EDIL3: variants seen among roughly 807,000 people sequenced by gnomAD.
The protein encoded by EDIL3 is EGF-like repeat and discoidin I-like domain-containing protein 3.
Under a neutral mutation model 67.4 loss-of-function variants are expected in EDIL3, and 37 were observed. The ratio of observed to expected loss-of-function variants is 0.55; its 90% confidence interval spans 0.42 to 0.72. The LOEUF is 0.72. Ranked by LOEUF, EDIL3 falls within the 30% of genes least tolerant of loss-of-function variation. EDIL3 has a pLI of 0.00. For missense variants in EDIL3, 527 were observed against 586.3 expected, an observed-to-expected ratio of 0.90 and a Z score of 1.04; for synonymous variants, 195 against 196.3, an observed-to-expected ratio of 0.99 and a Z score of 0.05.
intron 6 of EDIL3, among the ~76,000 whole-genome samples, chr5:84,087,898 A>C (rs1747100345): frequency 6.6e-6 from 1 of 152,214 alleles, no homozygotes; most frequent in African/African-American, 2.4e-5. Flanking sequence ...TAAATTCATT[A>C]ATTTAAATGA....
At chr5:84,130,237 A>G (rs543762579) in intron 5 of EDIL3, among the ~76,000 whole-genome samples, 24 of 152,302 alleles carry the variant, frequency 1.6e-4, no homozygotes, top group South Asian at 1.4e-3. Flanking sequence ...TCATTAAATA[A>G]TACATAATTC....
intron 3 of EDIL3, among the ~76,000 whole-genome samples, chr5:84,217,618 C>T (rs1744253958): frequency 6.6e-6 from 1 of 151,916 alleles, no homozygotes; most frequent in South Asian, 2.1e-4. Flanking sequence ...CCCTGAATTT[C>T]CAGCCTCTTT....
chr5:84,367,803 T>C (rs767438795), intron 1 of EDIL3, among the ~76,000 whole-genome samples: 31 of 152,128 alleles, frequency 2.0e-4, no homozygotes, highest in Admixed American at 1.7e-3. Context: ...ACCCCATCCT[T>C]TCAACCAACT....
intron 5 of EDIL3, among the ~76,000 whole-genome samples, chr5:84,124,975 C>G (rs1383886311): frequency 1.3e-5 from 2 of 151,922 alleles, no homozygotes; most frequent in African/African-American, 4.8e-5. Flanking sequence ...ATCCCTTGAA[C>G]TACTTATTAT....
intron 1 of EDIL3, among the ~76,000 whole-genome samples, chr5:84,348,916 C>T (rs1036143179): frequency 3.9e-5 from 6 of 152,122 alleles, no homozygotes; most frequent in Non-Finnish European, 8.8e-5. Context: ...TTAATTACCT[C>T]TTGGATTATG....
chr5:84,236,039 A>T (rs184198792), intron 2 of EDIL3, among the ~76,000 whole-genome samples: 166 of 152,184 alleles, frequency 1.1e-3, no homozygotes, highest in African/African-American at 3.8e-3. Context: ...TATAGTTTAC[A>T]TGGGTTTTAC....
chr5:84,063,342 C>A (rs1746577433), intron 8 of EDIL3, among the ~76,000 whole-genome samples: 1 of 152,170 alleles, frequency 6.6e-6, no homozygotes, highest in East Asian at 1.9e-4. Flanking sequence ...CACTGTATAG[C>A]AATAAGTCTG....
intron 2 of EDIL3, among the ~76,000 whole-genome samples, chr5:84,245,307 T>G (rs1197655002): frequency 2.6e-5 from 4 of 152,198 alleles, no homozygotes; most frequent in Non-Finnish European, 5.9e-5. Flanking sequence ...TTTCTCTTCA[T>G]GTGTATTTTT....
At position 84,319,751 on chromosome 5, in the gene EDIL3, C is replaced by G. The variant is rs1038402878; in HGVS notation, c.67+64557G>C. ...CAATAGCAAAGTCTTGGAACCAACTCAAATGTCCATCAATGATAGACTGGA... is the reference window on the plus strand; with the variant it reads ...CAATAGCAAAGTCTTGGAACCAACTGAAATGTCCATCAATGATAGACTGGA... On this transcript the variant is annotated intron_variant, in intron 1 of 10. Coordinates refer to ENST00000296591, the MANE Select transcript of EDIL3 (RefSeq NM_005711.5). Among the ~76,000 whole-genome samples the G allele has an allele frequency of 4.6e-5, 7 of 152,068 alleles. 1 individual carries two copies. The highest frequency in any genetic ancestry group is 3.9e-4 in the Admixed American group (6 of 15,266).
At chr5:84,379,099 A>G (rs1395511195) in intron 1 of EDIL3, among the ~76,000 whole-genome samples, 3 of 152,174 alleles carry the variant, frequency 2.0e-5, no homozygotes, top group Admixed American at 2.0e-4. Flanking sequence ...CTGACACAGA[A>G]AGAATGCCAC....
chr5:84,038,555 T>C (rs1372890331), intron 9 of EDIL3, among the ~76,000 whole-genome samples: 1 of 152,190 alleles, frequency 6.6e-6, no homozygotes, highest in African/African-American at 2.4e-5. Flanking sequence ...TACAAATACC[T>C]TGTTAGACCA....
At position 84,066,541 on chromosome 5, in the gene EDIL3, G is replaced by A. The variant is rs1056080784; in HGVS notation, c.717C>T (p.Ser239=). ...VITQGAKRIG[S]PEYIKSYKIA... Reference sequence around the variant, plus strand: ...TTTTGTAGGATTTTATATACTCTGGGCTTCCAATCCTCTTGGCTCCTTGGG... The same window carrying A: ...TTTTGTAGGATTTTATATACTCTGGACTTCCAATCCTCTTGGCTCCTTGGG... Residue 239 remains serine (S), a synonymous_variant, in exon 7 of 11, where the codon AGC becomes AGT. Transcript: ENST00000296591. The A allele has an allele frequency of 4.3e-6, 7 of 1,613,132 alleles. No individual in the cohort carries two copies. The highest frequency in any genetic ancestry group is 4.0e-5 in the African/African-American group (3 of 74,800).
At chr5:84,231,148 C>T (rs956411417) in intron 2 of EDIL3, among the ~76,000 whole-genome samples, 1 of 152,114 alleles carries the variant, frequency 6.6e-6, no homozygotes, top group African/African-American at 2.4e-5. Flanking sequence ...GTAACTCATA[C>T]AAGTGTGAAT....
intron 9 of EDIL3, among the ~76,000 whole-genome samples, chr5:83,991,398 A>G (rs932668121): frequency 2.6e-5 from 4 of 152,158 alleles, no homozygotes; most frequent in Non-Finnish European, 5.9e-5. Flanking sequence ...CAATCACTCT[A>G]TCTTACTGAT....
intron 9 of EDIL3, among the ~76,000 whole-genome samples, chr5:83,994,433 T>C (rs1745202882): frequency 7.4e-6 from 1 of 135,248 alleles, no homozygotes; most frequent in African/African-American, 3.0e-5. Context: ...TATGTAAAGG[T>C]TTTTATTTAG....
chr5:84,262,221 T>C (rs1403137688), intron 1 of EDIL3, among the ~76,000 whole-genome samples: 1 of 152,112 alleles, frequency 6.6e-6, no homozygotes, highest in African/African-American at 2.4e-5. Flanking sequence ...TCATGCCCAG[T>C]CCAGTTAAAT....
chr5:84,354,692 T>C (rs1488649084), intron 1 of EDIL3, among the ~76,000 whole-genome samples: 2 of 151,922 alleles, frequency 1.3e-5, no homozygotes, highest in African/African-American at 4.8e-5. Flanking sequence ...AAAATTAACT[T>C]TATAATTTTT....
chr5:83,987,777 A>G (rs1745078939), intron 9 of EDIL3, among the ~76,000 whole-genome samples: 1 of 151,888 alleles, frequency 6.6e-6, no homozygotes, highest in Non-Finnish European at 1.5e-5. Flanking sequence ...TTACATATTC[A>G]ACAGAGACTG....
intron 9 of EDIL3, among the ~76,000 whole-genome samples, chr5:83,970,380 T>C (rs937763364): frequency 1.3e-5 from 2 of 148,318 alleles, no homozygotes; most frequent in Non-Finnish European, 3.0e-5. Context: ...GTTTCTGTTA[T>C]ATTTGTTGCA....
Sources: gnomAD v4.1 joint callset for allele counts (sites outside exome capture counted in the v4.1 genomes callset) on GRCh38, gnomAD v4.1.1 for gene constraint, MANE v1.5 for transcripts, NCBI Gene and HGNC (gene_info 2026-07-23, HGNC 2026-07-21) for gene names.